PAX2: variants seen among roughly 807,000 people sequenced by gnomAD.
PAX2 encodes paired box protein Pax-2.
PAX2 carries 9 observed loss-of-function variants against 41.7 expected under a neutral mutation model. The observed-to-expected ratio is 0.22, with a 90% confidence interval of 0.13 to 0.38. The LOEUF (loss-of-function observed/expected upper bound fraction) is 0.38, where lower values mean the gene tolerates loss of function less well. PAX2 is among the 10% of genes least tolerant of loss of function. The pLI is 1.00. For synonymous variants in PAX2, 221 were observed against 212.7 expected (o/e 1.04, Z -0.34); for missense variants, 418 against 531.6 (o/e 0.79, Z 2.10).
intron 3 of PAX2, among the ~76,000 whole-genome samples, chr10:100,762,522 G>A (rs1001073864): frequency 6.6e-5 from 10 of 152,080 alleles, no homozygotes; most frequent in Non-Finnish European, 1.2e-4. Context: ...CTACTGAATG[G>A]AACAATCTAA....
rs1166593044 is a variant in PAX2 at position 100,791,283 on chromosome 10, T to A, written c.616+9918T>A. On this transcript the variant is annotated intron_variant, in intron 5 of 9. Transcript: ENST00000355243. The surrounding 1 kb of genome is among the most constrained non-coding windows in gnomAD (Gnocchi z 4.5). Reference sequence around the variant, plus strand: ...GGCTTTATCCTGCAGGCAGAGCTTTTACACCTTGCCCTTCTCTTTCTGCCC... The same window carrying A: ...GGCTTTATCCTGCAGGCAGAGCTTTAACACCTTGCCCTTCTCTTTCTGCCC... Among the ~76,000 whole-genome samples the A allele has an allele frequency of 6.6e-6, 1 of 152,268 alleles. No individual in the cohort carries two copies. Among genetic ancestry groups the A allele is most frequent in the African/African-American group, 2.4e-5 (1 of 41,476 alleles).
chr10:100,806,719 C>T (rs150850359), intron 6 of PAX2, 114 bp downstream of exon 6: 18 of 912,186 alleles, frequency 2.0e-5, no homozygotes, highest in East Asian at 9.6e-5. Flanking sequence ...GTGTTACACA[C>T]GTGTGTTCTG....
chr10:100,749,555 A>G, intron 1 of PAX2, 191 bp from the exon 2 acceptor site: 1 of 1,382,834 alleles, frequency 7.2e-7, no homozygotes. Context: ...CCCAGTCTTC[A>G]GCCCAGCGTC....
chr10:100,750,061 G>A lies in PAX2; in HGVS notation c.212+147G>A. 1.0e-6 allele frequency: 1 copy of A among 962,894 alleles called. No individual in the cohort carries two copies. The highest frequency in any genetic ancestry group is 1.5e-6 in the Non-Finnish European group (1 of 651,072). The allele number at this position is 962,894 out of a possible 1,614,324, so 59.6% of individuals were successfully genotyped here. A position where few individuals can be genotyped will look rare whatever the true frequency, so the allele number is the denominator to read the frequency against. ...GGGGTCTGGAGAGGTGCTCCTTTTG[G>A]AGAGAGTGTTCAGATGGTGGCTGAA... On this transcript the variant is annotated intron_variant, in intron 2 of 9. Transcript: ENST00000355243. This position sits in a 1 kb window ranked among gnomAD's most constrained non-coding sequence, Gnocchi z 4.1.
rs181063851 is a variant in PAX2, at chr10:100,755,646, A to G, written c.410+4755A>G. Among the ~76,000 whole-genome samples the G allele has an allele frequency of 9.9e-5, 15 of 152,260 alleles. No individual in the cohort carries two copies. The East Asian group carries it at 2.1e-3, about 22-fold the overall frequency. On this transcript the variant is annotated intron_variant, in intron 3 of 9. Coordinates refer to ENST00000355243, the MANE Select transcript of PAX2 (RefSeq NM_000278.5). The stretch of plus-strand genomic sequence containing the variant: ...TGCGTGGAGGGTGGTCTCCAGTGCA[A>G]TCCTACACCCTGAGAGGCAACAATC...
chr10:100,750,860 G>C lies in PAX2; in HGVS notation c.379G>C (p.Asp127His). 6.2e-7 allele frequency: 1 copy of C among 1,613,868 alleles called. No individual in the cohort carries two copies. The highest frequency in any genetic ancestry group is 8.5e-7 in the Non-Finnish European group (1 of 1,179,884). ...RLLAEGICDN[D>H]TVPSVSSINR... ...CCTGGCCGAGGGCATCTGTGACAAT[G>C]ACACAGTGCCCAGCGTCTCTTCCAT... The change falls in exon 3 of 10, where the codon GAC becomes CAC. Residue 127 changes from aspartate to histidine, a missense_variant. Asp to His is a moderately conservative substitution (Grantham distance 81, BLOSUM62 -1). Transcript: ENST00000355243. The surrounding 1 kb of genome is among the most constrained non-coding windows in gnomAD (Gnocchi z 4.1).
chr10:100,748,059 G>A lies in PAX2; in HGVS notation c.44-1687G>A. 1.0e-6 allele frequency: 1 copy of A among 985,014 alleles called. No homozygotes were observed. The highest frequency in any genetic ancestry group is 4.7e-5 in the South Asian group (1 of 21,272). The allele number at this position is 985,014 out of a possible 1,614,324, so 61.0% of individuals were successfully genotyped here. Reference sequence around the variant, plus strand: ...GCAGCCCGAGTCGGTGCTGGCGGCCGTGGCGCATTCCAGGCCCGACTCAGC... The same window carrying A: ...GCAGCCCGAGTCGGTGCTGGCGGCCATGGCGCATTCCAGGCCCGACTCAGC... On this transcript the variant is annotated intron_variant, in intron 1 of 9. Transcript: ENST00000355243. This position sits in a 1 kb window ranked among gnomAD's most constrained non-coding sequence, Gnocchi z 5.0.
chr10:100,739,872 C>G (rs1350870237), intron 1 of PAX2, among the ~76,000 whole-genome samples: 2 of 152,232 alleles, frequency 1.3e-5, no homozygotes, highest in East Asian at 1.9e-4. Flanking sequence ...AGCCTCCCTC[C>G]GACTCTCTCG....
rs1309620611 is a variant in PAX2 at position 100,798,128 on chromosome 10, T to TTTTTC, written c.617-8302_617-8301insTTTTC. The stretch of plus-strand genomic sequence containing the variant: ...TCTTTTTTTTTTTTTTTTTTTTTTT[T>TTTTTC]AGACAGGGTCAGGGTCTCACTCTGT... On this transcript the variant is annotated intron_variant, in intron 5 of 9. Transcript: ENST00000355243. Among the ~76,000 whole-genome samples the TTTTTC allele has an allele frequency of 2.8e-5, 3 of 108,952 alleles. 1 individual carries two copies. The highest frequency in any genetic ancestry group is 9.7e-3 in the Middle Eastern group (2 of 206). The allele number at this position is 108,952 out of a possible 152,430, so 71.5% of individuals were successfully genotyped here. A position where few individuals can be genotyped will look rare whatever the true frequency, so the allele number is the denominator to read the frequency against.
rs1845157875 is a variant in PAX2 at position 100,746,106 on chromosome 10, G to A, written c.-155G>A. On this transcript the variant is annotated 5_prime_UTR_variant, in exon 1 of 10. Transcript: ENST00000355243. Reference sequence around the variant, plus strand: ...GAGGAGCCCCAGCGGGGAGCGCAGTGCTGCGCCCCCCGCCCCCGCGCGCCC... The same window carrying A: ...GAGGAGCCCCAGCGGGGAGCGCAGTACTGCGCCCCCCGCCCCCGCGCGCCC... 1 of 1,552,738 alleles carries A rather than the reference G, an allele frequency of 6.4e-7. No individual in the cohort carries two copies. The highest frequency in any genetic ancestry group is 8.7e-7 in the Non-Finnish European group (1 of 1,153,062).
chr10:100,779,616 A>C lies in PAX2; in HGVS notation c.496+33A>C. 2.0e-6 allele frequency: 3 copies of C among 1,494,256 alleles called. No homozygotes were observed. In the South Asian group the frequency reaches 3.6e-5, roughly 18 times the overall value. The allele number at this position is 1,494,256 out of a possible 1,614,324, so 92.6% of individuals were successfully genotyped here. A position where few individuals can be genotyped will look rare whatever the true frequency, so the allele number is the denominator to read the frequency against. ...GGCTCAGGGAAGGGGAGGAAACCAG[A>C]TCCCACCTAGAGAAAGGCAGGAAAC... is the stretch of plus-strand genomic sequence containing the variant. On this transcript the variant is annotated intron_variant, in intron 4 of 9. Transcript: ENST00000355243.
At position 100,826,022 on chromosome 10, in the gene PAX2, G is replaced by A. The variant is rs4144093; in HGVS notation, c.1022-987G>A. ...AGAGGGGAGCCGCAGAGAGCTCGTG[G>A]TGTCGAGGGGGGAGTCGTTAAACAG... is the stretch of plus-strand genomic sequence containing the variant. On this transcript the variant is annotated intron_variant, in intron 8 of 9. Transcript: ENST00000355243. This position sits in a 1 kb window ranked among gnomAD's most constrained non-coding sequence, Gnocchi z 5.5. Among the ~76,000 whole-genome samples the A allele has an allele frequency of 9.9e-3, 1,505 of 152,036 alleles. 24 individuals carry two copies. Among genetic ancestry groups the A allele is most frequent in the South Asian group, 0.044 (210 of 4,794 alleles).
intron 3 of PAX2, among the ~76,000 whole-genome samples, chr10:100,760,831 A>G (rs1213521958): frequency 6.6e-6 from 1 of 152,158 alleles, no homozygotes; most frequent in African/African-American, 2.4e-5. Flanking sequence ...GAATCTGATA[A>G]GATAAGGAAG....
intron 5 of PAX2, among the ~76,000 whole-genome samples, chr10:100,792,272 T>C (rs1039067111): frequency 1.3e-5 from 2 of 152,204 alleles, no homozygotes; most frequent in African/African-American, 4.8e-5. Context: ...AGCACATGGG[T>C]TCGTGCGTGT....
chr10:100,755,353 C>T (rs894925742), intron 3 of PAX2, among the ~76,000 whole-genome samples: 3 of 152,288 alleles, frequency 2.0e-5, no homozygotes, highest in Non-Finnish European at 4.4e-5. Flanking sequence ...CCTCAGCTGG[C>T]AACTCTCGAG....
Position 100,750,951 on chromosome 10 carries a change from G to A in PAX2, c.410+60G>A. The A allele has an allele frequency of 7.9e-7, 1 of 1,259,212 alleles. No homozygotes were observed. Among genetic ancestry groups the A allele is most frequent in the Non-Finnish European group, 1.2e-6 (1 of 860,564 alleles). The allele number at this position is 1,259,212 out of a possible 1,614,324, so 78.0% of individuals were successfully genotyped here. A position where few individuals can be genotyped will look rare whatever the true frequency, so the allele number is the denominator to read the frequency against. On this transcript the variant is annotated intron_variant, in intron 3 of 9. Transcript: ENST00000355243. The surrounding 1 kb of genome is among the most constrained non-coding windows in gnomAD (Gnocchi z 4.1). The stretch of plus-strand genomic sequence containing the variant: ...CCAGCTCCTGGCTCCTGCCTGCAGG[G>A]GTGTCCCACGCCCAGTCTCTGCTCT...
Position 100,750,687 on chromosome 10 carries a change from G to T in PAX2, c.213-7G>T, listed in dbSNP as rs374371889. On this transcript the variant is annotated splice_region_variant and splice_polypyrimidine_tract_variant and intron_variant, in intron 2 of 9. Coordinates refer to ENST00000355243, the MANE Select transcript of PAX2 (RefSeq NM_000278.5). The surrounding 1 kb of genome is among the most constrained non-coding windows in gnomAD (Gnocchi z 4.1). ...TCTGGCTGACCCCGCCGGCTTTCCC[G>T]GCGCAGGTACTACGAGACCGGCAGC... 3.7e-6 allele frequency: 6 copies of T among 1,613,724 alleles called. No homozygotes were observed. The highest frequency in any genetic ancestry group is 2.7e-5 in the African/African-American group (2 of 74,936).
intron 5 of PAX2, among the ~76,000 whole-genome samples, chr10:100,803,222 G>C (rs901460919): frequency 6.6e-6 from 1 of 152,066 alleles, no homozygotes; most frequent in Non-Finnish European, 1.5e-5. Context: ...TGCAGTAAGT[G>C]TCCTCACCCC....
In PAX2 at chr10:100,824,221, A is replaced by G. The variant is rs570707287; in HGVS notation, c.920-427A>G. Among the ~76,000 whole-genome samples the G allele has an allele frequency of 1.3e-5, 2 of 152,176 alleles. No homozygotes were observed. The highest frequency in any genetic ancestry group is 1.9e-4 in the East Asian group (1 of 5,174). ...GTTAGGGAGAGGAAAGATAAGCAAG[A>G]TGATAGAGGTCCATTTGGCTGCTGG... On this transcript the variant is annotated intron_variant, in intron 7 of 9. Transcript: ENST00000355243. This position sits in a 1 kb window ranked among gnomAD's most constrained non-coding sequence, Gnocchi z 6.6.
Sources: gnomAD v4.1 joint callset for allele counts (sites outside exome capture counted in the v4.1 genomes callset) on GRCh38, gnomAD v4.1.1 for gene constraint, Gnocchi (gnomAD v3.1) non-coding constraint, MANE v1.5 for transcripts, NCBI Gene and HGNC (gene_info 2026-07-23, HGNC 2026-07-21) for gene names.